PGAP1: variants seen among roughly 807,000 people sequenced by gnomAD.
PGAP1 encodes GPI inositol-deacylase.
PGAP1 carries 76 observed loss-of-function variants against 127.0 expected under a neutral mutation model. The observed-to-expected ratio is 0.60, with a 90% confidence interval of 0.50 to 0.72. The LOEUF (loss-of-function observed/expected upper bound fraction) is 0.72. Among genes scored for constraint, PGAP1 ranks in the 30% least tolerant of loss-of-function variants. The pLI, the probability that PGAP1 is intolerant of heterozygous loss-of-function variation, is 0.00. For synonymous variants in PGAP1, 362 were observed against 366.5 expected (o/e 0.99, Z 0.14); for missense variants, 982 against 1,071.3 (o/e 0.92, Z 1.16).
intron 25 of PGAP1, 38 bp downstream of exon 25, chr2:196,843,850 T>C (rs1700482785): frequency 2.3e-6 from 3 of 1,315,796 alleles, no homozygotes; most frequent in Non-Finnish European, 1.0e-6. Context: ...ATTTATTGTT[T>C]GAACCACATA....
intron 4 of PGAP1, among the ~76,000 whole-genome samples, chr2:196,905,452 T>C (rs1421611044): frequency 1.3e-5 from 2 of 152,208 alleles, no homozygotes; most frequent in Admixed American, 1.3e-4. Context: ...TCATAATAAT[T>C]ACTGTTGCAC....
intron 19 of PGAP1, among the ~76,000 whole-genome samples, chr2:196,865,313 A>C (rs11687853): frequency 1.3e-5 from 2 of 152,204 alleles, no homozygotes; most frequent in Non-Finnish European, 2.9e-5. Context: ...TGAGTAGCAT[A>C]TATGTCCTGA....
Position 196,841,036 on chromosome 2 carries a change from G to T in PGAP1, c.*198C>A, listed in dbSNP as rs1700397234. The T allele has an allele frequency of 5.2e-6, 3 of 577,034 alleles. No individual in the cohort carries two copies. The highest frequency in any genetic ancestry group is 8.8e-6 in the Non-Finnish European group (3 of 341,210). 35.7% of individuals were successfully genotyped at this position (577,034 alleles called of 1,614,324 possible). On this transcript the variant is annotated 3_prime_UTR_variant, in exon 27 of 27. Coordinates refer to ENST00000354764, the MANE Select transcript of PGAP1 (RefSeq NM_024989.4). ...ATTTTTCAAAAATGATTACTACATGGATTCCACACCACAAAACAAAACCAT... is the reference window on the plus strand; with the variant it reads ...ATTTTTCAAAAATGATTACTACATGTATTCCACACCACAAAACAAAACCAT...
rs1701373566 is a variant in PGAP1 at position 196,870,359 on chromosome 2, C to A, written c.1767+582G>T. Among the ~76,000 whole-genome samples the A allele has an allele frequency of 2.0e-5, 3 of 149,852 alleles. No homozygotes were observed. The Admixed American group carries it at 2.0e-4, about 10-fold the overall frequency. On this transcript the variant is annotated intron_variant, in intron 19 of 26. Coordinates refer to ENST00000354764, the MANE Select transcript of PGAP1 (RefSeq NM_024989.4). ...TTGCCAAGGTTAGAGTGCAGTGGCA[C>A]AATCTCAGCTCACTGCAACCTCTGT...
chr2:196,864,080 A>T (rs1222632149), intron 20 of PGAP1, among the ~76,000 whole-genome samples: 1 of 151,954 alleles, frequency 6.6e-6, no homozygotes, highest in Non-Finnish European at 1.5e-5. Context: ...AATAAATTAA[A>T]AATAAAATAC....
intron 26 of PGAP1, 126 bp from the exon 27 acceptor site, chr2:196,841,498 T>C: frequency 2.7e-6 from 2 of 742,716 alleles, no homozygotes; most frequent in South Asian, 2.3e-5. Flanking sequence ...TTTTTAATGA[T>C]ATGAATTTAC....
intron 19 of PGAP1, among the ~76,000 whole-genome samples, chr2:196,868,426 TA>T (rs11327609): frequency 0.37 from 56,712 of 152,024 alleles, 11,519 homozygotes; most frequent in African/African-American, 0.53. Context: ...CTACTAAACT[TA>T]ACAATCATAA....
chr2:196,901,360 G>T (rs1297417330), intron 5 of PGAP1, among the ~76,000 whole-genome samples: 1 of 152,174 alleles, frequency 6.6e-6, no homozygotes, highest in Non-Finnish European at 1.5e-5. Flanking sequence ...TGTATGGCAA[G>T]CATTCAGTAA....
intron 4 of PGAP1, among the ~76,000 whole-genome samples, chr2:196,903,439 T>C (rs1702565930): frequency 6.6e-6 from 1 of 151,108 alleles, no homozygotes; most frequent in Admixed American, 6.6e-5. Flanking sequence ...TGCGCACCTG[T>C]AGTCCCAGCT....
intron 19 of PGAP1, among the ~76,000 whole-genome samples, chr2:196,867,771 A>C (rs547159494): frequency 6.6e-6 from 1 of 152,324 alleles, no homozygotes; most frequent in African/African-American, 2.4e-5. Context: ...CAAGCTTACT[A>C]TAAAAGTTGC....
intron 1 of PGAP1, among the ~76,000 whole-genome samples, chr2:196,921,201 A>C (rs573617152): frequency 7.0e-4 from 105 of 150,314 alleles, no homozygotes; most frequent in East Asian, 3.3e-3. Flanking sequence ...AAAAAAAAAA[A>C]ACACACACAC....
At position 196,920,151 on chromosome 2, in the gene PGAP1, C is replaced by G. The variant is rs1306852930; in HGVS notation, c.148-1G>C. 6.3e-7 allele frequency: 1 copy of G among 1,591,538 alleles called. No individual in the cohort carries two copies. Among genetic ancestry groups the G allele is most frequent in the Non-Finnish European group, 8.5e-7 (1 of 1,171,200 alleles). ...CCAGTTTCTTTGGAAGTTCTATTTT[C>G]TACATTTAAAAAAAAGTAGTTTCAC... On this transcript the variant is annotated splice_acceptor_variant, in intron 1 of 26. Coordinates refer to ENST00000354764, the MANE Select transcript of PGAP1 (RefSeq NM_024989.4). LOFTEE classifies it high-confidence loss of function.
intron 1 of PGAP1, among the ~76,000 whole-genome samples, chr2:196,925,948 T>C (rs747407841): frequency 4.6e-5 from 7 of 151,948 alleles, no homozygotes; most frequent in Non-Finnish European, 8.8e-5. Context: ...ATCTAGCCAA[T>C]ATACACTCTG....
intron 20 of PGAP1, among the ~76,000 whole-genome samples, chr2:196,853,642 T>TA (rs1700786336): frequency 6.6e-6 from 1 of 152,154 alleles, no homozygotes; most frequent in Non-Finnish European, 1.5e-5. Context: ...CTTTTGGTAA[T>TA]AAAAAACCTA....
At chr2:196,882,682 T>G (rs1249744487) in intron 12 of PGAP1, among the ~76,000 whole-genome samples, 1 of 152,226 alleles carries the variant, frequency 6.6e-6, no homozygotes, top group Non-Finnish European at 1.5e-5. Flanking sequence ...GGAATGTTAG[T>G]TATTTTTGCA....
intron 12 of PGAP1, among the ~76,000 whole-genome samples, chr2:196,881,775 G>A (rs570834407): frequency 8.5e-5 from 13 of 152,114 alleles, no homozygotes; most frequent in South Asian, 6.2e-4. Context: ...GACCTTTGTC[G>A]GATGCAGAGT....
At chr2:196,862,156 C>A (rs1229944390) in intron 20 of PGAP1, among the ~76,000 whole-genome samples, 10 of 151,970 alleles carry the variant, frequency 6.6e-5, no homozygotes, top group Non-Finnish European at 1.3e-4. Context: ...TCACTGAATT[C>A]TTTTTCTCAG....
rs988561468 is a variant in PGAP1, at chr2:196,897,286, C to T, written c.861-89G>A. On this transcript the variant is annotated intron_variant, in intron 6 of 26. Coordinates refer to ENST00000354764, the MANE Select transcript of PGAP1 (RefSeq NM_024989.4). The stretch of plus-strand genomic sequence containing the variant: ...TGCACAATTCTATTGTTTAGTGGAA[C>T]ATTTGAGTTTCCTTTAGTGCTCTAA... The T allele has an allele frequency of 9.5e-6, 7 of 736,938 alleles. No individual in the cohort carries two copies. The East Asian group carries it at 9.7e-5, about 10-fold the overall frequency. 45.6% of individuals were successfully genotyped at this position (736,938 alleles called of 1,614,324 possible). A position where few individuals can be genotyped will look rare whatever the true frequency, so the allele number is the denominator to read the frequency against.
chr2:196,875,112 G>C lies in PGAP1; in HGVS notation c.1426+634C>G, dbSNP rs143012105. ...CTTCAAAGGTTTCAAAGTTGTGAAA[G>C]ACAAGGAAAGACTGAGGAACTGTCA... On this transcript the variant is annotated intron_variant, in intron 14 of 26. Transcript: ENST00000354764. Among the ~76,000 whole-genome samples the C allele has an allele frequency of 4.3e-3, 652 of 152,298 alleles. 6 individuals carry two copies. Among genetic ancestry groups the C allele is most frequent in the Non-Finnish European group, 6.7e-3 (457 of 68,020 alleles).
Sources: gnomAD v4.1 joint callset for allele counts (sites outside exome capture counted in the v4.1 genomes callset) on GRCh38, gnomAD v4.1.1 for gene constraint, MANE v1.5 for transcripts, NCBI Gene and HGNC (gene_info 2026-07-23, HGNC 2026-07-21) for gene names.